Variants in HCN2 observed in about 807,000 individuals in gnomAD.
HCN2 encodes the protein hyperpolarization activated cyclic nucleotide gated potassium and sodium channel 2, also known as potassium/sodium hyperpolarization-activated cyclic nucleotide-gated channel 2.
Under a neutral mutation model 52.3 loss-of-function variants are expected in HCN2, and 20 were observed. The ratio of observed to expected loss-of-function variants is 0.38; its 90% confidence interval spans 0.27 to 0.56. HCN2 has a LOEUF of 0.56. Ranked by LOEUF, HCN2 falls within the 20% of genes least tolerant of loss-of-function variation. The probability of loss-of-function intolerance (pLI) is 0.71; values close to 1 mark genes in which losing one functional copy is unlikely to be tolerated. For missense variants in HCN2, 981 were observed against 1,207.7 expected (o/e 0.81, Z 2.78); for synonymous variants, 694 against 537.0 (o/e 1.29, Z -4.04).
intron 1 of HCN2, among the ~76,000 whole-genome samples, chr19:593,585 A>C (rs1466945825): frequency 6.6e-6 from 1 of 152,052 alleles, no homozygotes; most frequent in South Asian, 2.1e-4. Flanking sequence ...GCGCTGCTGC[A>C]CTCCAGCCTG....
chr19:613,057 C>G (rs558551238), intron 5 of HCN2, among the ~76,000 whole-genome samples, 191 bp from the exon 6 acceptor site: 2 of 152,200 alleles, frequency 1.3e-5, no homozygotes, highest in Non-Finnish European at 2.9e-5. Context: ...CGGTGTCAAA[C>G]GGCGAAGGGG....
intron 6 of HCN2, 123 bp from the exon 7 acceptor site, chr19:613,729 A>ACCGGCACCC: frequency 1.2e-6 from 1 of 821,122 alleles, no homozygotes; most frequent in Non-Finnish European, 1.6e-6. Context: ...GGCCGGCACC[A>ACCGGCACCC]GGGAGAGCCT....
At chr19:610,919 C>T (rs554044959) in intron 5 of HCN2, among the ~76,000 whole-genome samples, 1 of 152,212 alleles carries the variant, frequency 6.6e-6, no homozygotes, top group Admixed American at 6.5e-5. Flanking sequence ...GTGCTACCCC[C>T]CCGGAGCCCC....
At position 616,420 on chromosome 19, in the gene HCN2, C is replaced by G; in HGVS notation, c.2616C>G (p.Ala872=). Residue 872 remains alanine, a synonymous_variant, in exon 8 of 8, where the codon GCC becomes GCG. Coordinates refer to ENST00000251287, the MANE Select transcript of HCN2 (RefSeq NM_001194.4). ...DRRDSASPGA[A]GGLDPQDSAR... ...GGGACTCGGCCTCACCCGGCGCCGC[C>G]GGCGGCCTGGACCCCCAGGACTCCG... 8.1e-7 allele frequency: 1 copy of G among 1,241,576 alleles called. No individual in the cohort carries two copies. Among genetic ancestry groups the G allele is most frequent in the South Asian group, 2.2e-5 (1 of 45,146 alleles). 76.9% of individuals were successfully genotyped at this position (1,241,576 alleles called of 1,614,324 possible).
At chr19:605,359 G>A (rs1255402660) in intron 3 of HCN2, 137 bp downstream of exon 3, 1 of 464,500 alleles carries the variant, frequency 2.2e-6, no homozygotes, top group African/African-American at 2.1e-5. Flanking sequence ...CCTTATGGAG[G>A]GGAGGACTCG....
chr19:603,886 C>T lies in HCN2; in HGVS notation c.975C>T (p.Ile325=), dbSNP rs111985192. 72 of 1,612,302 alleles carry T rather than the reference C, an allele frequency of 4.5e-5. No individual in the cohort carries two copies. Among genetic ancestry groups the T allele is most frequent in the African/African-American group, 1.9e-4 (14 of 75,026 alleles). Reference sequence around the variant, plus strand: ...ACAAGACGGCACGCGCCCTGCGCATCGTGCGCTTCACCAAGATCCTCAGCC... The same window carrying T: ...ACAAGACGGCACGCGCCCTGCGCATTGTGCGCTTCACCAAGATCCTCAGCC... ...EVYKTARALR[I]VRFTKILSLL... The change falls in exon 2 of 8, where the codon ATC becomes ATT. Residue 325 remains isoleucine, a synonymous_variant. Transcript: ENST00000251287.
At position 603,748 on chromosome 19, in the gene HCN2, C is replaced by A. The variant is rs748438018; in HGVS notation, c.837C>A (p.Pro279=). 7 of 1,612,918 alleles carry A rather than the reference C, an allele frequency of 4.3e-6. No homozygotes were observed. In the South Asian group the frequency reaches 7.7e-5, roughly 18 times the overall value. Residue 279 remains proline, a synonymous_variant, in exon 2 of 8, where the codon CCC becomes CCA. Coordinates refer to ENST00000251287, the MANE Select transcript of HCN2 (RefSeq NM_001194.4). ...ACAACACGGAGATCATCCTGGACCC[C>A]GAGAAGATCAAGAAGAAGTATCTGC... ...IEDNTEIILD[P]EKIKKKYLRT... is the part of the protein sequence containing the mutation.
chr19:616,884 G>C lies in HCN2; in HGVS notation c.*410G>C, dbSNP rs894571498. The stretch of plus-strand genomic sequence containing the variant: ...TTCTAAGTGCAATACTTGGCCCGCC[G>C]GCTTCCCGCTGCCCCCATCGCGCTC... On this transcript the variant is annotated 3_prime_UTR_variant, in exon 8 of 8. Coordinates refer to ENST00000251287, the MANE Select transcript of HCN2 (RefSeq NM_001194.4). 3 of 231,112 alleles carry C rather than the reference G, an allele frequency of 1.3e-5. No homozygotes were observed. Among genetic ancestry groups the C allele is most frequent in the African/African-American group, 4.9e-5 (2 of 41,228 alleles). 14.3% of individuals were successfully genotyped at this position (231,112 alleles called of 1,614,324 possible).
chr19:594,664 A>C (rs1454536851), intron 1 of HCN2, among the ~76,000 whole-genome samples: 2 of 152,154 alleles, frequency 1.3e-5, no homozygotes, highest in African/African-American at 4.8e-5. Context: ...TCCCAGCATT[A>C]GGGCGTGGGA....
At chr19:613,811 C>T (rs1291359814) in intron 6 of HCN2, 41 bp from the exon 7 acceptor site, 5 of 1,462,384 alleles carry the variant, frequency 3.4e-6, no homozygotes, top group Non-Finnish European at 3.6e-6. Context: ...GGCCGCGGCG[C>T]CCGCCTCGTC....
chr19:616,212 T>G lies in HCN2; in HGVS notation c.2408T>G (p.Leu803Arg), dbSNP rs1983911527. The part of the protein sequence containing the change: ...SPYGGLPAAP[L>R]AGPALPARRL... ...TACGGCGGCCTGCCCGCCGCCCCCC[T>G]TGCTGGGCCCGCCCTGCCCGCGCGC... Residue 803 changes from leucine (L) to arginine (R), a missense_variant, in exon 8 of 8, where the codon CTT (leucine) becomes CGT (arginine). This residue lies in a region of HCN2 where 368 missense variants were observed against 314.8 expected (regional missense o/e 1.17). Coordinates refer to ENST00000251287, the MANE Select transcript of HCN2 (RefSeq NM_001194.4). 1.0e-6 allele frequency: 1 copy of G among 955,954 alleles called. No individual in the cohort carries two copies. The highest frequency in any genetic ancestry group is 1.2e-6 in the Non-Finnish European group (1 of 823,262). 59.2% of individuals were successfully genotyped at this position (955,954 alleles called of 1,614,324 possible).
chr19:610,930 T>TG, intron 5 of HCN2, among the ~76,000 whole-genome samples: 1 of 152,122 alleles, frequency 6.6e-6, no homozygotes, highest in Non-Finnish European at 1.5e-5. Flanking sequence ...CCGGAGCCCC[T>TG]GGGGAGGATC....
intron 3 of HCN2, among the ~76,000 whole-genome samples, chr19:607,499 T>C (rs999315064): frequency 2.6e-5 from 4 of 152,362 alleles, no homozygotes; most frequent in East Asian, 1.9e-4. Flanking sequence ...CACCCGCACA[T>C]GCGGTCCCAT....
rs147053889 is a variant in HCN2, at chr19:596,308, C to T, written c.632+5731C>T. ...AGGCTGGGCGGCTGTTGGAGGAGGG[C>T]TGAGCTCACATCGGTGTCAGGTGCC... On this transcript the variant is annotated intron_variant, in intron 1 of 7. Coordinates refer to ENST00000251287, the MANE Select transcript of HCN2 (RefSeq NM_001194.4). Among the ~76,000 whole-genome samples the T allele has an allele frequency of 9.4e-3, 1,432 of 152,338 alleles. 18 individuals are homozygous for T. Among genetic ancestry groups the T allele is most frequent in the Non-Finnish European group, 0.016 (1,083 of 68,024 alleles).
At chr19:615,678 A>C in intron 7 of HCN2, 117 bp from the exon 8 acceptor site, 1 of 925,082 alleles carries the variant, frequency 1.1e-6, no homozygotes, top group Non-Finnish European at 1.7e-6. Context: ...TGGTAAATGC[A>C]TGCTTGCTCT....
At chr19:602,674 G>A (rs1411760304) in intron 1 of HCN2, among the ~76,000 whole-genome samples, 4 of 152,196 alleles carry the variant, frequency 2.6e-5, no homozygotes, top group African/African-American at 2.4e-5. Flanking sequence ...CTGCTCCTCT[G>A]CTGTCCTGTC....
rs747358302 is a variant in HCN2 at position 616,367 on chromosome 19, C to T, written c.2563C>T (p.Arg855Trp). ...GCGCTTGGGGCCCACGCCCGCTGCC[C>T]GGGCCGCCGCGCCCAGCCCGGACCG... is the stretch of plus-strand genomic sequence containing the variant. The part of the protein sequence containing the change: ...TPRLGPTPAA[R>W]AAAPSPDRRD... The change falls in exon 8 of 8, where the codon CGG becomes TGG. Residue 855 changes from arginine to tryptophan, a missense_variant. Arg to Trp is a moderately radical substitution (Grantham distance 101). This residue lies in a region of HCN2 where 368 missense variants were observed against 314.8 expected (regional missense o/e 1.17). Coordinates refer to ENST00000251287, the MANE Select transcript of HCN2 (RefSeq NM_001194.4). 167 of 1,224,406 alleles carry T rather than the reference C, an allele frequency of 1.4e-4. 2 individuals carry two copies. Among genetic ancestry groups the T allele is most frequent in the Non-Finnish European group, 3.1e-5 (30 of 972,596 alleles). The allele number at this position is 1,224,406 out of a possible 1,614,324, so 75.8% of individuals were successfully genotyped here. A position where few individuals can be genotyped will look rare whatever the true frequency, so the allele number is the denominator to read the frequency against.
At position 590,687 on chromosome 19, in the gene HCN2, A is replaced by G. The variant is rs2144499908; in HGVS notation, c.632+110A>G. ...GGCGGGGCGGCGCGCCGGGCCGGTGACCTCGGGGCTCCTCGGTGACCTCGG... is the reference window on the plus strand; with the variant it reads ...GGCGGGGCGGCGCGCCGGGCCGGTGGCCTCGGGGCTCCTCGGTGACCTCGG... On this transcript the variant is annotated intron_variant, in intron 1 of 7. Coordinates refer to ENST00000251287, the MANE Select transcript of HCN2 (RefSeq NM_001194.4). The surrounding 1 kb of genome is among the most constrained non-coding windows in gnomAD (Gnocchi z 7.2). 1 of 839,792 alleles carries G rather than the reference A, an allele frequency of 1.2e-6. No homozygotes were observed. The highest frequency in any genetic ancestry group is 1.6e-6 in the Non-Finnish European group (1 of 637,910). The allele number at this position is 839,792 out of a possible 1,614,324, so 52.0% of individuals were successfully genotyped here. A position where few individuals can be genotyped will look rare whatever the true frequency, so the allele number is the denominator to read the frequency against.
rs2301778 is a variant in HCN2, at chr19:613,307, C to T, written c.1644C>T (p.Ala548=). 470,916 of 1,612,120 alleles carry T rather than the reference C, an allele frequency of 0.29. 69,913 individuals carry two copies. Among genetic ancestry groups the T allele is most frequent in the Middle Eastern group, 0.41 (2,506 of 6,042 alleles). Residue 548 remains alanine (A), a synonymous_variant, in exon 6 of 8, where the codon GCC becomes GCT. Transcript: ENST00000251287. ...LVASMPLFAN[A]DPNFVTAMLT... ...CCTCCATGCCGCTGTTCGCCAACGC[C>T]GACCCCAACTTCGTCACGGCCATGC...
Sources: gnomAD v4.1 joint callset for allele counts (sites outside exome capture counted in the v4.1 genomes callset) on GRCh38, gnomAD v4.1.1 for gene constraint, gnomAD v4.1.1 regional missense constraint, Gnocchi (gnomAD v3.1) non-coding constraint, MANE v1.5 for transcripts, NCBI Gene and HGNC (gene_info 2026-07-23, HGNC 2026-07-21) for gene names.